The following RUNX2 variants were observed in gnomAD, a reference collection of about 807,000 sequenced individuals.
RUNX2 encodes RUNX family transcription factor 2.
RUNX2 carries 10 observed loss-of-function variants against 51.7 expected under a neutral mutation model. The observed-to-expected ratio is 0.19, with a 90% confidence interval of 0.12 to 0.33. RUNX2 has a LOEUF of 0.33. RUNX2 is among the 10% of genes least tolerant of loss of function. RUNX2 has a pLI of 1.00. For synonymous variants in RUNX2, 276 were observed against 273.6 expected (o/e 1.01, Z -0.09); for missense variants, 562 against 691.3 (o/e 0.81, Z 2.10).
chr6:45,413,677 C>G (rs1798002872), intron 2 of RUNX2, among the ~76,000 whole-genome samples: 1 of 152,006 alleles, frequency 6.6e-6, no homozygotes, highest in African/African-American at 2.4e-5. Context: ...GATCCGCCAG[C>G]CTTGGCCTCC....
chr6:45,333,778 T>C (rs1787992828), intron 2 of RUNX2, among the ~76,000 whole-genome samples: 1 of 151,290 alleles, frequency 6.6e-6, no homozygotes, highest in Non-Finnish European at 1.5e-5. Context: ...AAATTGTTAT[T>C]CATGCACTTC....
chr6:45,547,381 T>G lies in RUNX2; in HGVS notation c.*76T>G. 8.7e-7 allele frequency: 1 copy of G among 1,144,846 alleles called. No individual in the cohort carries two copies. The highest frequency in any genetic ancestry group is 1.3e-6 in the Non-Finnish European group (1 of 759,260). 70.9% of individuals were successfully genotyped at this position (1,144,846 alleles called of 1,614,324 possible). A position where few individuals can be genotyped will look rare whatever the true frequency, so the allele number is the denominator to read the frequency against. On this transcript the variant is annotated 3_prime_UTR_variant, in exon 9 of 9. Transcript: ENST00000647337. ...TCAATATATACATATATAGAGAGAG[T>G]GCATATATATGTATATCGATTAGCT...
intron 6 of RUNX2, among the ~76,000 whole-genome samples, chr6:45,506,416 G>C (rs1010862917): frequency 1.3e-5 from 2 of 152,086 alleles, no homozygotes; most frequent in East Asian, 3.9e-4. Context: ...AATAAGAGTG[G>C]AGTCATCTTT....
At chr6:45,498,615 G>C (rs1389281928) in intron 6 of RUNX2, among the ~76,000 whole-genome samples, 3 of 152,162 alleles carry the variant, frequency 2.0e-5, no homozygotes, top group Admixed American at 6.5e-5. Context: ...GGTAAAAACT[G>C]CTTGCCAGAC....
At chr6:45,409,919 A>C (rs1797914787) in intron 2 of RUNX2, among the ~76,000 whole-genome samples, 1 of 152,240 alleles carries the variant, frequency 6.6e-6, no homozygotes, top group Non-Finnish European at 1.5e-5. Flanking sequence ...TCAGGTGATG[A>C]GTGCAATAAT....
chr6:45,493,971 T>C (rs1358713744), intron 6 of RUNX2, among the ~76,000 whole-genome samples: 2 of 152,230 alleles, frequency 1.3e-5, no homozygotes, highest in Non-Finnish European at 2.9e-5. Flanking sequence ...CTTTGGAGAC[T>C]GCGTGTTGCC....
In RUNX2 at chr6:45,343,911, G is replaced by T. The variant is rs147745109; in HGVS notation, c.58+15127G>T. Among the ~76,000 whole-genome samples the T allele has an allele frequency of 2.0e-5, 3 of 152,194 alleles. No individual in the cohort carries two copies. In the East Asian group the frequency reaches 5.8e-4, roughly 29 times the overall value. ...AGCCATCAAAGACCTCCACCTGACA[G>T]GTCTACAGGCTTTCATTTTATAACC... On this transcript the variant is annotated intron_variant, in intron 2 of 8. Coordinates refer to ENST00000647337, the MANE Select transcript of RUNX2 (RefSeq NM_001024630.4).
chr6:45,388,666 T>C (rs1797410311), intron 2 of RUNX2, among the ~76,000 whole-genome samples: 1 of 152,358 alleles, frequency 6.6e-6, no homozygotes, highest in East Asian at 1.9e-4. Flanking sequence ...ATTCTAGTCA[T>C]TTTTGGTCAT....
intron 7 of RUNX2, among the ~76,000 whole-genome samples, chr6:45,529,739 A>T (rs1582211370): frequency 6.6e-6 from 1 of 152,186 alleles, no homozygotes. Flanking sequence ...GGAAAAAAAC[A>T]GTCACTTTAA....
In RUNX2 at chr6:45,328,368, G is replaced by A. The variant is rs1196697476; in HGVS notation, c.-159G>A. The stretch of plus-strand genomic sequence containing the variant: ...ACAACCACAGAACCACAAGTGCGGT[G>A]CAAACTTTCTCCAGGAGGACAGCAA... On this transcript the variant is annotated 5_prime_UTR_variant, in exon 1 of 9. Transcript: ENST00000647337. 1.4e-6 allele frequency: 2 copies of A among 1,387,088 alleles called. No homozygotes were observed. Among genetic ancestry groups the A allele is most frequent in the Admixed American group, 1.9e-5 (1 of 52,788 alleles). The allele number at this position is 1,387,088 out of a possible 1,614,324, so 85.9% of individuals were successfully genotyped here.
At chr6:45,358,947 G>C (rs930103716) in intron 2 of RUNX2, among the ~76,000 whole-genome samples, 2 of 152,042 alleles carry the variant, frequency 1.3e-5, no homozygotes, top group Admixed American at 1.3e-4. Flanking sequence ...GCAATTTTAG[G>C]CTGATGGGTC....
At chr6:45,486,413 A>G (rs1411977877) in intron 5 of RUNX2, among the ~76,000 whole-genome samples, 1 of 152,220 alleles carries the variant, frequency 6.6e-6, no homozygotes, top group Non-Finnish European at 1.5e-5. Context: ...CCAAATATGG[A>G]CATGGTACTG....
intron 5 of RUNX2, among the ~76,000 whole-genome samples, chr6:45,490,322 A>C (rs1800424763): frequency 6.6e-6 from 1 of 152,182 alleles, no homozygotes; most frequent in Non-Finnish European, 1.5e-5. Context: ...TTTTTCTCCT[A>C]GGTCTAGTCC....
rs963242886 is a variant in RUNX2 at position 45,367,122 on chromosome 6, G to A, written c.58+38338G>A. ...CTTTATTTGAAGCTTTTGAGAAGGCGACAGGACACAGATCTAAGGCAAGCA... is the reference window on the plus strand; with the variant it reads ...CTTTATTTGAAGCTTTTGAGAAGGCAACAGGACACAGATCTAAGGCAAGCA... On this transcript the variant is annotated intron_variant, in intron 2 of 8. Coordinates refer to ENST00000647337, the MANE Select transcript of RUNX2 (RefSeq NM_001024630.4). Among the ~76,000 whole-genome samples, 29 of 152,012 alleles carry A rather than the reference G, an allele frequency of 1.9e-4. 1 individual carries two copies. The highest frequency in any genetic ancestry group is 1.5e-3 in the Admixed American group (23 of 15,240).
At chr6:45,468,638 A>T (rs1160489005) in intron 5 of RUNX2, among the ~76,000 whole-genome samples, 1 of 152,198 alleles carries the variant, frequency 6.6e-6, no homozygotes, top group African/African-American at 2.4e-5. Context: ...TAGGGAAAAA[A>T]ATCCCTTTAT....
chr6:45,392,112 G>GGAACTCA (rs1176407178), intron 2 of RUNX2, among the ~76,000 whole-genome samples: 1 of 152,060 alleles, frequency 6.6e-6, no homozygotes, highest in Non-Finnish European at 1.5e-5. Context: ...GAGGCTCTGG[G>GGAACTCA]GAACTCAGAA....
At chr6:45,463,812 A>C (rs114658000) in intron 5 of RUNX2, among the ~76,000 whole-genome samples, 346 of 152,262 alleles carry the variant, frequency 2.3e-3, no homozygotes, top group African/African-American at 8.1e-3. Context: ...TATTAATGGA[A>C]ATGTTTCTAT....
intron 2 of RUNX2, among the ~76,000 whole-genome samples, chr6:45,372,282 C>G (rs115707308): frequency 1.3e-5 from 2 of 152,134 alleles, no homozygotes; most frequent in South Asian, 2.1e-4. Flanking sequence ...AAATAACATA[C>G]GTAAAGCCCT....
intron 2 of RUNX2, among the ~76,000 whole-genome samples, chr6:45,383,175 C>G (rs1167353532): frequency 6.6e-6 from 1 of 152,092 alleles, no homozygotes; most frequent in Non-Finnish European, 1.5e-5. Flanking sequence ...TGACTCAAAC[C>G]TATAATTCCA....
Sources: gnomAD v4.1 joint callset for allele counts (sites outside exome capture counted in the v4.1 genomes callset) on GRCh38, gnomAD v4.1.1 for gene constraint, MANE v1.5 for transcripts, NCBI Gene and HGNC (gene_info 2026-07-23, HGNC 2026-07-21) for gene names.